CREM: variants seen among roughly 807,000 people sequenced by gnomAD.
CREM encodes the protein cAMP responsive element modulator.
Under a neutral mutation model 37.3 loss-of-function variants are expected in CREM, and 13 were observed. That is an observed-to-expected ratio of 0.35 (90% CI 0.23 to 0.55). The LOEUF is 0.55. Among genes scored for constraint, CREM ranks in the 20% least tolerant of loss-of-function variants. The probability of loss-of-function intolerance (pLI) is 0.88; values close to 1 mark genes in which losing one functional copy is unlikely to be tolerated. For synonymous variants in CREM, 124 were observed against 120.2 expected, an observed-to-expected ratio of 1.03 and a Z score of -0.21; for missense variants, 296 against 362.3, an observed-to-expected ratio of 0.82 and a Z score of 1.49.
chr10:35,195,281 G>A, intron 6 of CREM: 1 of 1,582,898 alleles, frequency 6.3e-7, no homozygotes, highest in Non-Finnish European at 8.7e-7. Flanking sequence ...GAAGTATTCA[G>A]GAACATCTGA....
At chr10:35,186,969 T>G (rs2094592773) in intron 5 of CREM, among the ~76,000 whole-genome samples, 1 of 94,510 alleles carries the variant, frequency 1.1e-5, no homozygotes, top group Non-Finnish European at 1.9e-5. Context: ...ATATATAATT[T>G]ATATATTATA....
intron 4 of CREM, 34 bp from the exon 5 acceptor site, chr10:35,179,100 T>C: frequency 6.3e-7 from 1 of 1,578,678 alleles, no homozygotes; most frequent in Non-Finnish European, 8.7e-7. Flanking sequence ...TATTCATGTA[T>C]CTTAGTGACT....
intron 6 of CREM, among the ~76,000 whole-genome samples, chr10:35,197,746 C>T (rs777718377): frequency 1.1e-4 from 17 of 152,182 alleles, no homozygotes; most frequent in South Asian, 4.1e-4. Flanking sequence ...CGTGAGCCAC[C>T]GCGCTCGGCC....
intron 5 of CREM, among the ~76,000 whole-genome samples, chr10:35,187,580 C>G (rs1293812401): frequency 6.6e-6 from 1 of 152,056 alleles, no homozygotes; most frequent in Non-Finnish European, 1.5e-5. Context: ...TTAAAAACTA[C>G]TTTCTTTTGA....
At chr10:35,204,316 A>G (rs767895662) in intron 6 of CREM, among the ~76,000 whole-genome samples, 2 of 152,158 alleles carry the variant, frequency 1.3e-5, no homozygotes, top group Non-Finnish European at 2.9e-5. Context: ...ATTAATCACA[A>G]TTAGGCCAGG....
chr10:35,169,314 A>G (rs1172146626), intron 3 of CREM, among the ~76,000 whole-genome samples: 1 of 152,164 alleles, frequency 6.6e-6, no homozygotes, highest in African/African-American at 2.4e-5. Flanking sequence ...GGTCCTTCAC[A>G]TCCCTTGTAA....
In CREM at chr10:35,211,257, A is replaced by G. The variant is rs1017017939; in HGVS notation, c.759A>G (p.Glu253=). The G allele has an allele frequency of 4.0e-5, 64 of 1,612,966 alleles. No homozygotes were observed. Among genetic ancestry groups the G allele is most frequent in the Non-Finnish European group, 5.4e-5 (64 of 1,179,430 alleles). ...ATTTGCCTTGTGTTGCTTCCAGGGA[A>G]GCTGCCCGGGAGTGTCGCAGGAAGA... ...KRELRLMKNR[E]AARECRRKKK... The change falls in exon 8 of 8, where the codon GAA becomes GAG. Residue 253 remains glutamate (E), a synonymous_variant. Transcript: ENST00000685392.
chr10:35,199,326 T>C (rs1826792887), intron 6 of CREM, among the ~76,000 whole-genome samples: 1 of 152,228 alleles, frequency 6.6e-6, no homozygotes, highest in South Asian at 2.1e-4. Flanking sequence ...CCTACTACTT[T>C]TGAAAAATGC....
At chr10:35,193,420 A>G (rs2095002339) in intron 6 of CREM, among the ~76,000 whole-genome samples, 1 of 152,106 alleles carries the variant, frequency 6.6e-6, no homozygotes, top group African/African-American at 2.4e-5. Context: ...TGCCAATTTA[A>G]AGAAATGCTG....
At chr10:35,198,246 C>T (rs2095272475) in intron 6 of CREM, among the ~76,000 whole-genome samples, 4 of 152,024 alleles carry the variant, frequency 2.6e-5, no homozygotes, top group South Asian at 2.1e-4. Flanking sequence ...AATGACTGGC[C>T]GGGCGCGGTG....
intron 6 of CREM, chr10:35,195,855 C>T: frequency 3.5e-6 from 2 of 572,112 alleles, no homozygotes; most frequent in South Asian, 2.1e-5. Context: ...TGCACATTGA[C>T]GTCAGCTCCG....
chr10:35,134,979 A>C (rs928937653), intron 1 of CREM, among the ~76,000 whole-genome samples: 1 of 151,960 alleles, frequency 6.6e-6, no homozygotes, highest in Admixed American at 6.6e-5. Flanking sequence ...TGGATTTTGC[A>C]GTGAGCTGAG....
intron 1 of CREM, among the ~76,000 whole-genome samples, chr10:35,131,347 GT>G (rs1049730365): frequency 6.6e-6 from 1 of 151,856 alleles, no homozygotes; most frequent in Non-Finnish European, 1.5e-5. Flanking sequence ...TTTTTTGTGT[GT>G]TTTTTTAAAC....
chr10:35,142,883 C>T (rs1489148945), intron 2 of CREM, among the ~76,000 whole-genome samples: 1 of 152,198 alleles, frequency 6.6e-6, no homozygotes, highest in African/African-American at 2.4e-5. Flanking sequence ...GTTGGGATTA[C>T]AGGCGTGAGC....
chr10:35,156,027 C>T (rs1462921495), intron 3 of CREM, among the ~76,000 whole-genome samples: 3 of 150,622 alleles, frequency 2.0e-5, no homozygotes, highest in African/African-American at 2.4e-5. Flanking sequence ...GCAACGTCCA[C>T]CTCCCGGGTT....
At chr10:35,165,195 G>C (rs562670858) in intron 3 of CREM, among the ~76,000 whole-genome samples, 5 of 152,242 alleles carry the variant, frequency 3.3e-5, no homozygotes, top group African/African-American at 1.2e-4. Flanking sequence ...TTCTAGGGAA[G>C]CCTCCAGAAG....
intron 3 of CREM, among the ~76,000 whole-genome samples, chr10:35,168,754 C>T (rs539999908): frequency 2.6e-4 from 39 of 152,188 alleles, no homozygotes; most frequent in African/African-American, 8.2e-4. Flanking sequence ...GTCTTTAATC[C>T]GTCTTGAATT....
intron 2 of CREM, among the ~76,000 whole-genome samples, chr10:35,147,848 G>A (rs2092289786): frequency 6.6e-6 from 1 of 152,154 alleles, no homozygotes; most frequent in Non-Finnish European, 1.5e-5. Flanking sequence ...CATATTCAGT[G>A]AGCAGAAAAG....
At chr10:35,149,036 A>G (rs575052138) in intron 3 of CREM, among the ~76,000 whole-genome samples, 3 of 152,288 alleles carry the variant, frequency 2.0e-5, no homozygotes, top group Admixed American at 6.5e-5. Context: ...TGCTGTGTCT[A>G]ATTATTCCGG....
Sources: allele counts gnomAD v4.1 joint callset (sites outside exome capture counted in the v4.1 genomes callset), GRCh38; gene constraint gnomAD v4.1.1; transcripts MANE v1.5; gene names NCBI Gene and HGNC (gene_info 2026-07-23, HGNC 2026-07-21).